RBFOX1: variants seen among roughly 807,000 people sequenced by gnomAD.
RBFOX1 encodes the protein RNA binding protein fox-1 homolog 1.
RBFOX1 carries 8 observed loss-of-function variants against 57.7 expected under a neutral mutation model. The ratio of observed to expected loss-of-function variants is 0.14; its 90% CI spans 0.08 to 0.25. RBFOX1 has a LOEUF of 0.25. Among genes scored for constraint, RBFOX1 ranks in the 10% least tolerant of loss-of-function variants. RBFOX1 has a pLI of 1.00. For missense variants in RBFOX1, 611 were observed against 548.5 expected (o/e 1.11, Z -1.14); for synonymous variants, 326 against 222.4 (o/e 1.47, Z -4.15).
intron 1 of RBFOX1, among the ~76,000 whole-genome samples, chr16:6,152,502 C>G (rs570739610): frequency 3.7e-4 from 57 of 152,302 alleles, no homozygotes; most frequent in South Asian, 2.1e-3. Flanking sequence ...CAGATCAGCT[C>G]AAGTTGGGGT....
intron 4 of RBFOX1, among the ~76,000 whole-genome samples, chr16:7,332,422 C>T (rs929226692): frequency 5.3e-5 from 8 of 152,086 alleles, no homozygotes; most frequent in African/African-American, 1.2e-4. Flanking sequence ...AGAGAGAGAG[C>T]GGGAGGAAAA....
intron 2 of RBFOX1, among the ~76,000 whole-genome samples, chr16:5,553,497 A>C (rs992090301): frequency 6.6e-6 from 1 of 151,940 alleles, no homozygotes; most frequent in Non-Finnish European, 1.5e-5. Context: ...TTGTATTTTT[A>C]GTAGAGACAG....
intron 4 of RBFOX1, among the ~76,000 whole-genome samples, chr16:7,160,541 C>G (rs17560336): frequency 0.19 from 28,500 of 151,898 alleles, 2,936 homozygotes; most frequent in South Asian, 0.27. Context: ...GTGTCATTAA[C>G]TTGTTCTTGT....
chr16:5,592,528 T>C (rs2047043204), intron 2 of RBFOX1, among the ~76,000 whole-genome samples: 4 of 152,106 alleles, frequency 2.6e-5, no homozygotes. Context: ...GCGATTCTCC[T>C]GCCTCAGCCT....
At chr16:6,518,764 T>G (rs1304300385) in intron 2 of RBFOX1, among the ~76,000 whole-genome samples, 1 of 151,278 alleles carries the variant, frequency 6.6e-6, no homozygotes, top group African/African-American at 2.4e-5. Flanking sequence ...TCTATCCATC[T>G]ATCTATCCAT....
intron 3 of RBFOX1, among the ~76,000 whole-genome samples, chr16:6,861,811 C>T (rs1221160910): frequency 1.4e-5 from 2 of 147,958 alleles, no homozygotes; most frequent in Admixed American, 1.4e-4. Flanking sequence ...CTTTCCTAGC[C>T]AGCGTCCCTT....
chr16:6,353,414 G>C (rs530104851), intron 2 of RBFOX1, among the ~76,000 whole-genome samples: 3 of 151,270 alleles, frequency 2.0e-5, no homozygotes, highest in South Asian at 2.1e-4. Flanking sequence ...TAACTTCCTT[G>C]GTGTTTTACT....
chr16:7,706,882 G>A (rs2082623914), intron 14 of RBFOX1, among the ~76,000 whole-genome samples: 1 of 152,186 alleles, frequency 6.6e-6, no homozygotes, highest in African/African-American at 2.4e-5. Context: ...GGTCTCAGGA[G>A]TGAGCTCTCT....
At chr16:5,428,140 GTGTGTGTA>G (rs1356109550) in intron 1 of RBFOX1, among the ~76,000 whole-genome samples, 2 of 147,148 alleles carry the variant, frequency 1.4e-5, no homozygotes, top group East Asian at 1.9e-4. Context: ...GTGTGTGTGT[GTGTGTGTA>G]TGTGTGTATG....
chr16:6,064,920 T>C (rs1352146787), intron 1 of RBFOX1, among the ~76,000 whole-genome samples: 6 of 152,004 alleles, frequency 3.9e-5, no homozygotes, highest in African/African-American at 9.7e-5. Context: ...ACATGGAGAA[T>C]CCGAATCAAC....
intron 4 of RBFOX1, among the ~76,000 whole-genome samples, chr16:6,013,306 A>G (rs1317849316): frequency 6.6e-6 from 1 of 152,230 alleles, no homozygotes; most frequent in East Asian, 1.9e-4. Context: ...TCTACTTATT[A>G]TTAGCCAAGA....
chr16:7,410,091 A>G (rs1313051533), intron 4 of RBFOX1, among the ~76,000 whole-genome samples: 2 of 152,204 alleles, frequency 1.3e-5, no homozygotes, highest in Non-Finnish European at 2.9e-5. Flanking sequence ...TGATAGTAGT[A>G]GATTGAACAT....
chr16:6,719,857 C>A (rs546015596), intron 3 of RBFOX1, among the ~76,000 whole-genome samples: 1 of 152,096 alleles, frequency 6.6e-6, no homozygotes, highest in East Asian at 2.0e-4. Context: ...CTTTGGGAAG[C>A]CTGGGCGGGC....
At chr16:7,403,016 C>G (rs1332690253) in intron 4 of RBFOX1, among the ~76,000 whole-genome samples, 2 of 152,228 alleles carry the variant, frequency 1.3e-5, no homozygotes, top group Non-Finnish European at 2.9e-5. Context: ...ACTCCCCGTT[C>G]ACGATGCAGT....
intron 4 of RBFOX1, among the ~76,000 whole-genome samples, chr16:7,330,259 T>G (rs2096666787): frequency 6.6e-6 from 1 of 152,150 alleles, no homozygotes; most frequent in South Asian, 2.1e-4. Context: ...GTATACATAT[T>G]AAATCGTCTT....
chr16:7,469,743 A>C (rs980291770), intron 4 of RBFOX1, among the ~76,000 whole-genome samples: 1 of 152,126 alleles, frequency 6.6e-6, no homozygotes, highest in Non-Finnish European at 1.5e-5. Flanking sequence ...AGTAGCATTA[A>C]GTATATTTAT....
chr16:6,958,414 G>T (rs888096360), intron 3 of RBFOX1, among the ~76,000 whole-genome samples: 2 of 152,030 alleles, frequency 1.3e-5, no homozygotes, highest in African/African-American at 4.8e-5. Flanking sequence ...TTTTATGATC[G>T]GGTATCATTA....
intron 3 of RBFOX1, among the ~76,000 whole-genome samples, chr16:5,630,217 G>T (rs2048462482): frequency 6.6e-6 from 1 of 152,188 alleles, no homozygotes; most frequent in African/African-American, 2.4e-5. Context: ...AGGACTTTGG[G>T]AGGTCAAAGT....
At chr16:5,652,073 C>T (rs75173871) in intron 3 of RBFOX1, among the ~76,000 whole-genome samples, 1 of 151,976 alleles carries the variant, frequency 6.6e-6, no homozygotes, top group Non-Finnish European at 1.5e-5. Flanking sequence ...GGAAGAGGTT[C>T]TAGTGAGCCA....
Sources: allele counts gnomAD v4.1 joint callset (sites outside exome capture counted in the v4.1 genomes callset), GRCh38; gene constraint gnomAD v4.1.1; transcripts MANE v1.5; gene names NCBI Gene and HGNC (gene_info 2026-07-23, HGNC 2026-07-21).